Variants in TMEM196 observed in about 807,000 individuals in gnomAD.
The protein encoded by TMEM196 is transmembrane protein 196.
TMEM196 carries 17 observed loss-of-function variants against 20.0 expected under a neutral mutation model. The ratio of observed to expected loss-of-function variants is 0.85; its 90% confidence interval spans 0.58 to 1.27. The LOEUF (loss-of-function observed/expected upper bound fraction) is 1.27, where lower values mean the gene tolerates loss of function less well. Among genes scored for constraint, TMEM196 ranks in the 50% most tolerant of loss-of-function variants. The pLI, the probability that TMEM196 is intolerant of heterozygous loss-of-function variation, is 0.00. For synonymous variants in TMEM196, 113 were observed against 88.9 expected, an observed-to-expected ratio of 1.27 and a Z score of -1.52; for missense variants, 267 against 223.0, an observed-to-expected ratio of 1.20 and a Z score of -1.26.
chr7:19,731,000 T>C (rs1317670954), intron 1 of TMEM196, among the ~76,000 whole-genome samples: 1 of 152,196 alleles, frequency 6.6e-6, no homozygotes, highest in African/African-American at 2.4e-5. Flanking sequence ...ACAAAAATGC[T>C]TAAATGCATT....
chr7:19,760,479 G>A (rs532009916), intron 1 of TMEM196, among the ~76,000 whole-genome samples: 2 of 143,386 alleles, frequency 1.4e-5, no homozygotes, highest in African/African-American at 5.2e-5. Context: ...TTCTTCCTCA[G>A]TCTCCCAAGT....
At chr7:19,748,285 A>AAAAAAAAAAC (rs1784838081) in intron 1 of TMEM196, among the ~76,000 whole-genome samples, 1 of 143,172 alleles carries the variant, frequency 7.0e-6, no homozygotes. Context: ...AAAAAAAAAA[A>AAAAAAAAAAC]AAAAAACAGT....
rs917089137 is a variant in TMEM196 at position 19,772,540 on chromosome 7, C to G, written c.147+10G>C. 2 of 1,538,356 alleles carry G rather than the reference C, an allele frequency of 1.3e-6. No homozygotes were observed. Among genetic ancestry groups the G allele is most frequent in the East Asian group, 5.0e-5 (2 of 40,258 alleles). On this transcript the variant is annotated intron_variant, in intron 1 of 4. Coordinates refer to ENST00000405844, the MANE Select transcript of TMEM196 (RefSeq NM_001363562.2). ...GAAATGGCTCAACGTACACACACCC[C>G]GCTCCATACCGGGGACGAGTCTCCG...
At chr7:19,737,312 GT>G (rs2128021198) in intron 1 of TMEM196, among the ~76,000 whole-genome samples, 1 of 152,046 alleles carries the variant, frequency 6.6e-6, no homozygotes, top group African/African-American at 2.4e-5. Flanking sequence ...AACAATTGAT[GT>G]TATCAATTGC....
At chr7:19,762,252 A>T (rs1238859288) in intron 1 of TMEM196, among the ~76,000 whole-genome samples, 4 of 152,092 alleles carry the variant, frequency 2.6e-5, no homozygotes, top group Admixed American at 2.6e-4. Flanking sequence ...TAGTAAAAAA[A>T]CCAGAAGAGT....
intron 1 of TMEM196, among the ~76,000 whole-genome samples, chr7:19,758,940 C>G (rs1689664413): frequency 6.6e-6 from 1 of 152,182 alleles, no homozygotes; most frequent in Admixed American, 6.5e-5. Flanking sequence ...AAAAAAAACT[C>G]CCCCTTTAGC....
Position 19,725,656 on chromosome 7 carries a change from G to A in TMEM196, c.317C>T (p.Ala106Val). Residue 106 changes from alanine to valine, a missense_variant, in exon 3 of 5, where the codon GCC becomes GTC. Physicochemically the swap from Ala to Val is moderately conservative, Grantham distance 64. Transcript: ENST00000405844. ...CCCAATGCACGCGAGAGACATGGAG[G>A]CAAGGTGCAGTGGGTATAGGGAGGA... The part of the protein sequence containing the change: ...KTSSLYPLHL[A>V]SMSLACIGIG... The A allele has an allele frequency of 6.2e-7, 1 of 1,614,124 alleles. No individual in the cohort carries two copies. Among genetic ancestry groups the A allele is most frequent in the Non-Finnish European group, 8.5e-7 (1 of 1,179,982 alleles).
chr7:19,734,459 T>C (rs578072476), intron 1 of TMEM196, among the ~76,000 whole-genome samples: 27 of 152,312 alleles, frequency 1.8e-4, no homozygotes, highest in Middle Eastern at 3.4e-3. Flanking sequence ...TGAATTAAGT[T>C]TCTTGAGATG....
intron 1 of TMEM196, among the ~76,000 whole-genome samples, chr7:19,741,226 C>T (rs1027885802): frequency 3.3e-5 from 5 of 152,230 alleles, no homozygotes; most frequent in East Asian, 1.9e-4. Context: ...TGTGTTATTT[C>T]GTTTGCAATT....
intron 1 of TMEM196, among the ~76,000 whole-genome samples, chr7:19,763,251 G>A (rs1785500932): frequency 6.6e-6 from 1 of 152,096 alleles, no homozygotes; most frequent in African/African-American, 2.4e-5. Flanking sequence ...AAAGCAGTTG[G>A]ATTTCTTGGG....
intron 1 of TMEM196, among the ~76,000 whole-genome samples, chr7:19,743,778 C>T (rs771486265): frequency 5.9e-5 from 9 of 152,080 alleles, no homozygotes; most frequent in East Asian, 1.9e-4. Context: ...CTTTCCAGTA[C>T]CTGGTTCAAT....
intron 1 of TMEM196, among the ~76,000 whole-genome samples, chr7:19,733,044 TA>T (rs1309955372): frequency 1.3e-5 from 2 of 152,026 alleles, no homozygotes; most frequent in East Asian, 3.9e-4. Context: ...CAGGGAGGAT[TA>T]TTTGCGTTGA....
At chr7:19,739,979 A>G (rs1022906366) in intron 1 of TMEM196, among the ~76,000 whole-genome samples, 1 of 152,140 alleles carries the variant, frequency 6.6e-6, no homozygotes, top group Admixed American at 6.6e-5. Flanking sequence ...GTGTGCACAC[A>G]TGTATCTCCT....
intron 1 of TMEM196, 83 bp downstream of exon 1, chr7:19,772,467 A>T: frequency 7.4e-7 from 1 of 1,357,936 alleles, no homozygotes; most frequent in Non-Finnish European, 9.6e-7. Flanking sequence ...GGAGGGAGTG[A>T]CTAATGCGCG....
chr7:19,740,038 C>A (rs529336733), intron 1 of TMEM196, among the ~76,000 whole-genome samples: 1 of 152,246 alleles, frequency 6.6e-6, no homozygotes, highest in African/African-American at 2.4e-5. Context: ...GATTTAGCTG[C>A]AAGTGTACAA....
At chr7:19,769,231 A>T (rs972203634) in intron 1 of TMEM196, among the ~76,000 whole-genome samples, 1 of 152,172 alleles carries the variant, frequency 6.6e-6, no homozygotes, top group African/African-American at 2.4e-5. Context: ...TTTTTAATTC[A>T]TAATTTAGCA....
rs774708991 is a variant in TMEM196, at chr7:19,729,370, T to C, written c.204+12A>G. ...CACCTCAATGCACAATACAAACAAA[T>C]CAAACACTTACGACAAGTCCTGATT... On this transcript the variant is annotated intron_variant, in intron 2 of 4. Coordinates refer to ENST00000405844, the MANE Select transcript of TMEM196 (RefSeq NM_001363562.2). 5.2e-6 allele frequency: 8 copies of C among 1,548,400 alleles called. No homozygotes were observed. In the South Asian group the frequency reaches 6.0e-5, roughly 12 times the overall value.
chr7:19,746,540 A>G (rs1198740952), intron 1 of TMEM196, among the ~76,000 whole-genome samples: 2 of 152,206 alleles, frequency 1.3e-5, no homozygotes, highest in Non-Finnish European at 2.9e-5. Flanking sequence ...GTGTCCTGGG[A>G]TATTTATTGT....
Position 19,722,245 on chromosome 7 carries a change from T to C in TMEM196, c.534-111A>G, listed in dbSNP as rs76009686. 0.034 allele frequency: 30,082 copies of C among 896,314 alleles called. 695 individuals carry two copies. Among genetic ancestry groups the C allele is most frequent in the South Asian group, 0.071 (4,504 of 63,398 alleles). The allele number at this position is 896,314 out of a possible 1,614,324, so 55.5% of individuals were successfully genotyped here. On this transcript the variant is annotated intron_variant, in intron 4 of 4. Coordinates refer to ENST00000405844, the MANE Select transcript of TMEM196 (RefSeq NM_001363562.2). ...CAATCCATTGAAAAACTTGCTAAGT[T>C]TTGGGGAAAGACAAGGATATTGCTG...
Sources: allele counts gnomAD v4.1 joint callset (sites outside exome capture counted in the v4.1 genomes callset), GRCh38; gene constraint gnomAD v4.1.1; transcripts MANE v1.5; gene names NCBI Gene and HGNC (gene_info 2026-07-23, HGNC 2026-07-21).